The following RGS7 variants were observed in gnomAD, a reference collection of about 807,000 sequenced individuals.
RGS7 encodes the protein regulator of G-protein signaling 7.
RGS7 carries 27 observed loss-of-function variants against 81.1 expected under a neutral mutation model. That is an observed-to-expected ratio of 0.33 (90% CI 0.25 to 0.46). The LOEUF (loss-of-function observed/expected upper bound fraction) is 0.46. Ranked by LOEUF, RGS7 falls within the 20% of genes least tolerant of loss-of-function variation. RGS7 has a pLI of 1.00. For missense variants in RGS7, 396 were observed against 607.4 expected (o/e 0.65, Z 3.66); for synonymous variants, 208 against 207.7 (o/e 1.00, Z -0.01).
At chr1:241,340,959 C>T (rs10926462) in intron 2 of RGS7, among the ~76,000 whole-genome samples, 30,552 of 152,020 alleles carry the variant, frequency 0.2, 3,227 homozygotes, top group East Asian at 0.29. Flanking sequence ...GATGGGACTG[C>T]CAGGGAAATC....
chr1:241,027,672 C>T (rs755526970), intron 3 of RGS7, among the ~76,000 whole-genome samples: 7 of 151,956 alleles, frequency 4.6e-5, no homozygotes, highest in Non-Finnish European at 8.8e-5. Flanking sequence ...GAAAGAGAGA[C>T]AGATGGAGGA....
chr1:240,947,489 C>G (rs371464200), intron 4 of RGS7, among the ~76,000 whole-genome samples: 34 of 152,212 alleles, frequency 2.2e-4, no homozygotes, highest in African/African-American at 7.9e-4. Context: ...TTCCACTGCT[C>G]GGACCAAAAA....
rs1215773086 is a variant in RGS7 at position 240,995,707 on chromosome 1, TC to T, written c.176-12579del. ...CCCGAAAATGGCAATTTGTGTCTTTTCTTTTTTTTTTTTTGTCTTGTTACAG... is the reference window on the plus strand; with the variant it reads ...CCCGAAAATGGCAATTTGTGTCTTTTTTTTTTTTTTTTTGTCTTGTTACAG... On this transcript the variant is annotated intron_variant, in intron 3 of 18. Coordinates refer to ENST00000440928, the MANE Select transcript of RGS7 (RefSeq NM_001364886.1). 3.2e-5 allele frequency among the ~76,000 whole-genome samples: 3 copies of T among 93,822 alleles called. No individual in the cohort carries two copies. In the South Asian group the frequency reaches 1.0e-3, roughly 32 times the overall value. 61.6% of individuals were successfully genotyped at this position (93,822 alleles called of 152,430 possible).
chr1:241,234,628 C>T (rs1396077644), intron 2 of RGS7, among the ~76,000 whole-genome samples: 1 of 152,154 alleles, frequency 6.6e-6, no homozygotes, highest in East Asian at 1.9e-4. Flanking sequence ...GCCTGGGTCT[C>T]CATATCCCAC....
At chr1:241,287,559 C>A (rs2078883237) in intron 2 of RGS7, among the ~76,000 whole-genome samples, 1 of 152,172 alleles carries the variant, frequency 6.6e-6, no homozygotes, top group African/African-American at 2.4e-5. Flanking sequence ...ATTACCCAGC[C>A]TCAGGTATGT....
chr1:241,103,157 A>ATG (rs796673450), intron 2 of RGS7, among the ~76,000 whole-genome samples: 1 of 149,858 alleles, frequency 6.7e-6, no homozygotes, highest in Non-Finnish European at 1.5e-5. Context: ...ATATATATGT[A>ATG]TGTGTGTGTA....
At chr1:241,311,266 G>T (rs1234994503) in intron 2 of RGS7, among the ~76,000 whole-genome samples, 1 of 152,094 alleles carries the variant, frequency 6.6e-6, no homozygotes, top group African/African-American at 2.4e-5. Flanking sequence ...AAACCACAGA[G>T]CTTAAGAGAA....
At chr1:241,248,702 A>G (rs1242332564) in intron 2 of RGS7, among the ~76,000 whole-genome samples, 1 of 152,062 alleles carries the variant, frequency 6.6e-6, no homozygotes, top group African/African-American at 2.4e-5. Context: ...ATGCATCCTT[A>G]AAGTGTCACA....
intron 2 of RGS7, among the ~76,000 whole-genome samples, chr1:241,253,373 T>C (rs747156055): frequency 1.1e-4 from 16 of 152,206 alleles, no homozygotes; most frequent in Non-Finnish European, 2.4e-4. Context: ...CTACGTAGTT[T>C]GCTGTAAACG....
chr1:241,134,331 A>G (rs1020837201), intron 2 of RGS7, among the ~76,000 whole-genome samples: 1 of 152,228 alleles, frequency 6.6e-6, no homozygotes, highest in African/African-American at 2.4e-5. Flanking sequence ...GGGAAACCAT[A>G]TGACAAATCC....
At chr1:240,981,740 C>A (rs1370703977) in intron 4 of RGS7, among the ~76,000 whole-genome samples, 1 of 152,120 alleles carries the variant, frequency 6.6e-6, no homozygotes, top group Non-Finnish European at 1.5e-5. Flanking sequence ...TTTAAAAGCT[C>A]ATGTAGCAAA....
At chr1:240,886,025 T>C (rs1193929719) in intron 6 of RGS7, among the ~76,000 whole-genome samples, 2 of 152,220 alleles carry the variant, frequency 1.3e-5, no homozygotes, top group African/African-American at 2.4e-5. Context: ...GTATTATTTT[T>C]AAACCAATGC....
At chr1:240,917,095 G>A (rs1672735575) in intron 6 of RGS7, among the ~76,000 whole-genome samples, 1 of 152,176 alleles carries the variant, frequency 6.6e-6, no homozygotes, top group African/African-American at 2.4e-5. Flanking sequence ...CAAGAAGAGA[G>A]TGGGGTGATA....
At chr1:240,801,552 G>C (rs191617707) in intron 16 of RGS7, 44 bp from the exon 17 acceptor site, 1 of 1,342,106 alleles carries the variant, frequency 7.5e-7, no homozygotes, top group East Asian at 2.3e-5. Context: ...AATAAGGGAA[G>C]ATTAAAAAAA....
chr1:241,194,321 T>A (rs1005657760), intron 2 of RGS7, among the ~76,000 whole-genome samples: 1 of 152,214 alleles, frequency 6.6e-6, no homozygotes, highest in East Asian at 1.9e-4. Flanking sequence ...TGGGCACCAA[T>A]GGACATTCAA....
At chr1:241,006,434 G>A (rs2058691062) in intron 3 of RGS7, among the ~76,000 whole-genome samples, 1 of 152,100 alleles carries the variant, frequency 6.6e-6, no homozygotes. Flanking sequence ...TTAAAAAAAT[G>A]TCTATATCAA....
chr1:240,914,496 T>C (rs2148268668), intron 6 of RGS7, among the ~76,000 whole-genome samples: 1 of 152,182 alleles, frequency 6.6e-6, no homozygotes. Context: ...CCAAAGCTCA[T>C]TGGAAAGGGA....
chr1:241,068,240 A>G (rs200681195), intron 3 of RGS7, among the ~76,000 whole-genome samples: 495 of 5,704 alleles, frequency 0.087, 33 homozygotes, highest in Admixed American at 0.33. Flanking sequence ...GTGTGTGTGT[A>G]TATATATATA....
At chr1:241,034,793 C>G (rs950668745) in intron 3 of RGS7, among the ~76,000 whole-genome samples, 3 of 152,112 alleles carry the variant, frequency 2.0e-5, no homozygotes, top group African/African-American at 7.2e-5. Context: ...AGAGCGCCAT[C>G]ATACTAATGT....
Sources: gnomAD v4.1 joint callset for allele counts (sites outside exome capture counted in the v4.1 genomes callset) on GRCh38, gnomAD v4.1.1 for gene constraint, MANE v1.5 for transcripts, NCBI Gene and HGNC (gene_info 2026-07-23, HGNC 2026-07-21) for gene names.